Variants in CLASP1 observed in about 807,000 individuals in gnomAD.
The protein encoded by CLASP1 is cytoplasmic linker associated protein 1.
Under a neutral mutation model 192.3 loss-of-function variants are expected in CLASP1, and 38 were observed. The observed-to-expected ratio is 0.20, with a 90% CI of 0.15 to 0.26. The LOEUF (loss-of-function observed/expected upper bound fraction) is 0.26, where lower values mean the gene tolerates loss of function less well. CLASP1 is among the 10% of genes least tolerant of loss of function. CLASP1 has a pLI of 1.00. For synonymous variants in CLASP1, 691 were observed against 712.8 expected, an observed-to-expected ratio of 0.97 and a Z score of 0.49; for missense variants, 1,433 against 1,932.5, an observed-to-expected ratio of 0.74 and a Z score of 4.85.
At chr2:121,367,247 C>T (rs1266568868) in intron 35 of CLASP1, among the ~76,000 whole-genome samples, 3 of 152,232 alleles carry the variant, frequency 2.0e-5, no homozygotes, top group Non-Finnish European at 2.9e-5. Context: ...TTTGTTCCTA[C>T]ACCCCTGGCC....
chr2:121,424,705 A>G (rs1344164854), intron 22 of CLASP1, among the ~76,000 whole-genome samples: 1 of 152,222 alleles, frequency 6.6e-6, no homozygotes, highest in Admixed American at 6.5e-5. Flanking sequence ...TTTCACCATA[A>G]GTTTCACCAA....
chr2:121,354,762 G>A (rs1184537703), intron 37 of CLASP1, among the ~76,000 whole-genome samples: 3 of 152,172 alleles, frequency 2.0e-5, no homozygotes. Context: ...CAATATCTGA[G>A]GTCCCCTGGG....
chr2:121,577,923 G>C (rs933614494), intron 2 of CLASP1, among the ~76,000 whole-genome samples: 2 of 151,944 alleles, frequency 1.3e-5, no homozygotes, highest in Non-Finnish European at 2.9e-5. Context: ...AAATTTCATT[G>C]ACTGATTGAT....
At chr2:121,346,407 A>C (rs560598088) in intron 39 of CLASP1, among the ~76,000 whole-genome samples, 2 of 152,354 alleles carry the variant, frequency 1.3e-5, no homozygotes, top group East Asian at 3.9e-4. Flanking sequence ...TAAAACCAAT[A>C]AGCAGTCTAG....
At chr2:121,578,562 T>C (rs2105521075) in intron 2 of CLASP1, among the ~76,000 whole-genome samples, 1 of 150,834 alleles carries the variant, frequency 6.6e-6, no homozygotes, top group South Asian at 2.1e-4. Context: ...ACCCCATCTC[T>C]ACTAAAAATA....
At chr2:121,433,171 A>C (rs945585872) in intron 19 of CLASP1, among the ~76,000 whole-genome samples, 5 of 151,922 alleles carry the variant, frequency 3.3e-5, no homozygotes, top group Admixed American at 3.3e-4. Flanking sequence ...AAAATGCAAA[A>C]ATTAGCTGGG....
chr2:121,393,260 T>G (rs1005870010), intron 30 of CLASP1, among the ~76,000 whole-genome samples: 2 of 152,200 alleles, frequency 1.3e-5, no homozygotes, highest in Non-Finnish European at 2.9e-5. Flanking sequence ...TTGGAATACC[T>G]ACCCTAAAAA....
rs191718720 is a variant in CLASP1 at position 121,486,871 on chromosome 2, G to A, written c.712+16296C>T. 2.9e-3 allele frequency among the ~76,000 whole-genome samples: 449 copies of A among 152,272 alleles called. 10 individuals carry two copies. Among genetic ancestry groups the A allele is most frequent in the Non-Finnish European group, 6.6e-4 (45 of 68,018 alleles). On this transcript the variant is annotated intron_variant, in intron 8 of 39. Transcript: ENST00000263710. ...ATACGAAGACAAAGAGAAAGAAGAT[G>A]ACAATTTAACATAAATAGCCATGTT...
intron 8 of CLASP1, among the ~76,000 whole-genome samples, chr2:121,472,555 T>G (rs766655514): frequency 6.6e-6 from 1 of 152,104 alleles, no homozygotes; most frequent in African/African-American, 2.4e-5. Context: ...GAACTCAAAT[T>G]AAACATAGTA....
At chr2:121,553,065 T>G (rs1307111630) in intron 2 of CLASP1, among the ~76,000 whole-genome samples, 2 of 152,214 alleles carry the variant, frequency 1.3e-5, no homozygotes, top group Non-Finnish European at 2.9e-5. Context: ...CTGGAGGCTA[T>G]TATCCTTAGC....
At chr2:121,410,879 A>G in exon 24 of CLASP1, 1 of 1,608,128 alleles carries the variant, frequency 6.2e-7, no homozygotes, top group Non-Finnish European at 8.5e-7. Context: ...AGCATCAGCA[A>G]CAGCAGCTTC....
At position 121,633,007 on chromosome 2, in the gene CLASP1, C is replaced by CATATATATATATATATATAT. The variant is rs71398038; in HGVS notation, c.-286+16345_-286+16364dup. Among the ~76,000 whole-genome samples, 205 of 115,524 alleles carry CATATATATATATATATATAT rather than the reference C, an allele frequency of 1.8e-3. 6 individuals are homozygous for CATATATATATATATATATAT. Among genetic ancestry groups the CATATATATATATATATATAT allele is most frequent in the African/African-American group, 6.6e-3 (174 of 26,484 alleles). 75.8% of individuals were successfully genotyped at this position (115,524 alleles called of 152,430 possible). On this transcript the variant is annotated intron_variant, in intron 1 of 39. Transcript: ENST00000263710. Reference sequence around the variant, plus strand: ...GTGTGTATATATATGTATGTGTGTGCATATATATATATATATATATAGGCT... The same window carrying CATATATATATATATATATAT: ...GTGTGTATATATATGTATGTGTGTGCATATATATATATATATATATATATATATATATATATATATAGGCT...
In CLASP1 at chr2:121,410,897, G is replaced by A. The variant is rs751335906; in HGVS notation, c.2393C>T (p.Thr798Ile). 5.6e-6 allele frequency: 9 copies of A among 1,612,050 alleles called. No homozygotes were observed. The East Asian group carries it at 1.6e-4, about 28-fold the overall frequency. The change falls in exon 24 of 40, where the codon ACA becomes ATA. Residue 798 changes from threonine (T) to isoleucine (I), a missense_variant. By Grantham distance (89) the Thr-to-Ile change is moderately conservative. Coordinates refer to ENST00000263710, the Ensembl canonical transcript of CLASP1. ...ATCAGCAACAGCAGCTTCAAGATCT[G>A]TACTTGTGCTCAGAACTCTCATGGC... is the stretch of plus-strand genomic sequence containing the variant.
At chr2:121,471,048 CA>C (rs1272001093) in intron 8 of CLASP1, among the ~76,000 whole-genome samples, 2 of 152,104 alleles carry the variant, frequency 1.3e-5, no homozygotes, top group Non-Finnish European at 2.9e-5. Context: ...TTTGGGAGGC[CA>C]AAATGGGAGG....
chr2:121,640,302 T>C (rs2071797554), intron 1 of CLASP1, among the ~76,000 whole-genome samples: 1 of 152,188 alleles, frequency 6.6e-6, no homozygotes, highest in African/African-American at 2.4e-5. Context: ...CGGGCCAGCA[T>C]TGCACATGTA....
chr2:121,627,953 T>C (rs985993651), intron 1 of CLASP1, among the ~76,000 whole-genome samples: 4 of 152,190 alleles, frequency 2.6e-5, no homozygotes, highest in African/African-American at 9.7e-5. Flanking sequence ...ATACACTGCA[T>C]ACAATTTCAA....
intron 3 of CLASP1, among the ~76,000 whole-genome samples, chr2:121,529,572 T>C (rs1269956950): frequency 6.6e-6 from 1 of 152,214 alleles, no homozygotes; most frequent in Non-Finnish European, 1.5e-5. Flanking sequence ...TGCATAGAGA[T>C]GCTTAGTGTT....
intron 9 of CLASP1, among the ~76,000 whole-genome samples, chr2:121,464,460 C>G (rs1011403288): frequency 7.9e-5 from 12 of 152,128 alleles, no homozygotes; most frequent in Admixed American, 7.9e-4. Context: ...ACAGTCCCAC[C>G]AACAGTGTAA....
chr2:121,583,565 AG>A (rs1419598570), intron 2 of CLASP1, among the ~76,000 whole-genome samples: 11 of 152,356 alleles, frequency 7.2e-5, no homozygotes, highest in Admixed American at 7.2e-4. Context: ...AAATATGCAA[AG>A]CAAACATTTC....
Sources: gnomAD v4.1 joint callset for allele counts (sites outside exome capture counted in the v4.1 genomes callset) on GRCh38, gnomAD v4.1.1 for gene constraint, MANE v1.5 for transcripts, NCBI Gene and HGNC (gene_info 2026-07-23, HGNC 2026-07-21) for gene names.